Variants in SNX27 observed in about 807,000 individuals in gnomAD.
SNX27 encodes sorting nexin-27.
In SNX27, 22 loss-of-function variants were observed where a neutral mutation model predicts 71.6. The observed-to-expected ratio is 0.31, with a 90% CI of 0.22 to 0.44. The LOEUF is 0.44. Among genes scored for constraint, SNX27 ranks in the 20% least tolerant of loss-of-function variants. The probability of loss-of-function intolerance (pLI) is 1.00; values close to 1 mark genes in which losing one functional copy is unlikely to be tolerated. For synonymous variants in SNX27, 269 were observed against 277.2 expected (o/e 0.97, Z 0.29); for missense variants, 531 against 698.6 (o/e 0.76, Z 2.70).
intron 5 of SNX27, chr1:151,662,534 G>A (rs1000444569): frequency 2.8e-5 from 6 of 211,674 alleles, no homozygotes; most frequent in Non-Finnish European, 4.9e-5. Context: ...CCAGGCTGGA[G>A]TGCAGTGGCG....
In SNX27 at chr1:151,612,374, G is replaced by A; in HGVS notation, c.173G>A (p.Arg58Gln). The change falls in exon 1 of 12, where the codon CGG becomes CAG. Residue 58 changes from arginine to glutamine, a missense_variant. Around this residue, in one of 5 missense-constraint regions of SNX27, gnomAD observed 130 missense variants for 143.5 expected, o/e 0.91. Coordinates refer to ENST00000458013, the MANE Select transcript of SNX27 (RefSeq NM_001330723.2). The surrounding 1 kb of genome is among the most constrained non-coding windows in gnomAD (Gnocchi z 5.2). ...KSESGYGFNV[R>Q]GQVSEGGQLR... ...GAGTCCGGCTACGGCTTCAACGTGC[G>A]GGGCCAAGTGAGCGAGGGCGGGCAA... The A allele has an allele frequency of 6.5e-7, 1 of 1,542,174 alleles. No individual in the cohort carries two copies. Among genetic ancestry groups the A allele is most frequent in the Non-Finnish European group, 8.7e-7 (1 of 1,148,248 alleles).
chr1:151,669,740 AT>A (rs1369740561), intron 7 of SNX27, among the ~76,000 whole-genome samples: 2 of 151,910 alleles, frequency 1.3e-5, no homozygotes, highest in Admixed American at 1.3e-4. Context: ...TATATATGTA[AT>A]TTTTTATTTT....
At chr1:151,621,889 G>C (rs1300355064) in intron 1 of SNX27, among the ~76,000 whole-genome samples, 1 of 152,110 alleles carries the variant, frequency 6.6e-6, no homozygotes, top group Non-Finnish European at 1.5e-5. Flanking sequence ...TCCTGCCTCT[G>C]TCTTTACTTG....
rs1671620926 is a variant in SNX27 at position 151,694,687 on chromosome 1, T to C, written c.*270T>C. 2.6e-6 allele frequency: 1 copy of C among 380,642 alleles called. No homozygotes were observed. Among genetic ancestry groups the C allele is most frequent in the East Asian group, 4.4e-5 (1 of 22,762 alleles). 23.6% of individuals were successfully genotyped at this position (380,642 alleles called of 1,614,324 possible). On this transcript the variant is annotated 3_prime_UTR_variant, in exon 12 of 12. Coordinates refer to ENST00000458013, the MANE Select transcript of SNX27 (RefSeq NM_001330723.2). ...CCCAACCAACTTGCCAAAGGTATCT[T>C]TGTCCTTTCACCTGGGCCTCATACC...
chr1:151,634,037 T>G (rs1240747406), intron 1 of SNX27, among the ~76,000 whole-genome samples: 4 of 152,020 alleles, frequency 2.6e-5, no homozygotes, highest in Non-Finnish European at 5.9e-5. Context: ...TAAATGTATG[T>G]TTAACATTAT....
chr1:151,675,093 A>AT (rs1049643400), intron 7 of SNX27, among the ~76,000 whole-genome samples: 2 of 152,014 alleles, frequency 1.3e-5, no homozygotes, highest in Non-Finnish European at 2.9e-5. Context: ...TCTTTTGGGA[A>AT]TTTCGTCATA....
At chr1:151,656,409 A>G (rs1669695211) in intron 2 of SNX27, among the ~76,000 whole-genome samples, 1 of 152,230 alleles carries the variant, frequency 6.6e-6, no homozygotes, top group Non-Finnish European at 1.5e-5. Context: ...TGACACTCAC[A>G]TGGTCAATAA....
chr1:151,637,591 A>AT (rs1192596934), intron 1 of SNX27, among the ~76,000 whole-genome samples: 3 of 152,044 alleles, frequency 2.0e-5, no homozygotes, highest in Non-Finnish European at 2.9e-5. Context: ...AAAATTACTG[A>AT]TTTTTTTGTA....
chr1:151,661,755 A>G (rs376806501), intron 4 of SNX27, among the ~76,000 whole-genome samples: 6 of 152,214 alleles, frequency 3.9e-5, no homozygotes, highest in African/African-American at 1.4e-4. Flanking sequence ...GAAACTTAGT[A>G]TATCTCTTGA....
chr1:151,666,136 C>A, intron 6 of SNX27, 125 bp downstream of exon 6: 1 of 580,918 alleles, frequency 1.7e-6, no homozygotes. Context: ...ACAATCAGAC[C>A]AAGCATATCC....
chr1:151,645,700 C>T (rs1669003963), intron 2 of SNX27, among the ~76,000 whole-genome samples: 1 of 152,180 alleles, frequency 6.6e-6, no homozygotes, highest in Admixed American at 6.5e-5. Flanking sequence ...AATCTTTTCC[C>T]TATATGTTTG....
Position 151,612,237 on chromosome 1 carries a change from A to C in SNX27, c.36A>C (p.Ser12=). ...ADEDGEGIHP[S]APHRNGGGGG... ...AGGACGGGGAAGGGATTCATCCCTC[A>C]GCCCCTCACAGGAACGGAGGTGGCG... The change falls in exon 1 of 12, where the codon TCA becomes TCC. Residue 12 remains serine, a synonymous_variant. Transcript: ENST00000458013. The surrounding 1 kb of genome is among the most constrained non-coding windows in gnomAD (Gnocchi z 5.2). 1 of 1,420,462 alleles carries C rather than the reference A, an allele frequency of 7.0e-7. No individual in the cohort carries two copies. The highest frequency in any genetic ancestry group is 9.2e-7 in the Non-Finnish European group (1 of 1,089,348). The allele number at this position is 1,420,462 out of a possible 1,614,324, so 88.0% of individuals were successfully genotyped here.
intron 2 of SNX27, among the ~76,000 whole-genome samples, chr1:151,655,047 T>C (rs1669620311): frequency 6.6e-6 from 1 of 152,232 alleles, no homozygotes; most frequent in Admixed American, 6.5e-5. Context: ...GGATATTGTA[T>C]ATTGTGAATG....
At chr1:151,626,787 GGTT>G (rs1667966880) in intron 1 of SNX27, among the ~76,000 whole-genome samples, 1 of 152,302 alleles carries the variant, frequency 6.6e-6, no homozygotes, top group Non-Finnish European at 1.5e-5. Context: ...ATAACTTTGA[GGTT>G]GTTGTTTTCT....
intron 1 of SNX27, among the ~76,000 whole-genome samples, chr1:151,633,428 C>A (rs974615348): frequency 6.6e-6 from 1 of 152,020 alleles, no homozygotes; most frequent in African/African-American, 2.4e-5. Context: ...CCCCAAGTAG[C>A]CAGGACTGCA....
intron 4 of SNX27, 23 bp from the exon 5 acceptor site, chr1:151,662,143 T>G: frequency 6.4e-7 from 1 of 1,563,310 alleles, no homozygotes; most frequent in Non-Finnish European, 8.8e-7. Context: ...CCATAAATTA[T>G]TTCTCTATGT....
chr1:151,634,570 C>G (rs1450018938), intron 1 of SNX27, among the ~76,000 whole-genome samples: 3 of 152,128 alleles, frequency 2.0e-5, no homozygotes, highest in African/African-American at 7.2e-5. Context: ...AGCTTAAGGC[C>G]TCTCTCTATT....
At chr1:151,629,586 AT>A (rs1462300662) in intron 1 of SNX27, among the ~76,000 whole-genome samples, 286 of 138,530 alleles carry the variant, frequency 2.1e-3, no homozygotes, top group African/African-American at 4.1e-3. Flanking sequence ...TATATATATA[AT>A]TTTTTTTTTT....
Position 151,692,566 on chromosome 1 carries a change from T to C in SNX27, c.1371T>C (p.Thr457=). ...CGCACTTTAAACTGCATGCCTGCAC[T>C]GAAGAAGGACAGCTGGAGGTGAGTT... The part of the protein sequence containing the change: ...SITHFKLHAC[T]EEGQLENQVI... The change falls in exon 9 of 12, where the codon ACT becomes ACC. Residue 457 remains threonine, a synonymous_variant. Coordinates refer to ENST00000458013, the MANE Select transcript of SNX27 (RefSeq NM_001330723.2). 1 of 1,613,208 alleles carries C rather than the reference T, an allele frequency of 6.2e-7. No homozygotes were observed. Among genetic ancestry groups the C allele is most frequent in the Non-Finnish European group, 8.5e-7 (1 of 1,179,762 alleles).
Sources: allele counts gnomAD v4.1 joint callset (sites outside exome capture counted in the v4.1 genomes callset), GRCh38; gene constraint gnomAD v4.1.1; regional missense constraint gnomAD v4.1.1; non-coding constraint Gnocchi (gnomAD v3.1); transcripts MANE v1.5; gene names NCBI Gene and HGNC (gene_info 2026-07-23, HGNC 2026-07-21).